Variants in CADM3 observed in about 807,000 individuals in gnomAD.
CADM3 encodes TSLC1-like 1.
In CADM3, 11 loss-of-function variants were observed where a neutral mutation model predicts 44.9. The ratio of observed to expected loss-of-function variants is 0.25; its 90% CI spans 0.15 to 0.41. The LOEUF is 0.41. CADM3 is among the 10% of genes least tolerant of loss of function. The pLI is 1.00. For synonymous variants in CADM3, 207 were observed against 205.2 expected (o/e 1.01, Z -0.08); for missense variants, 426 against 512.0 (o/e 0.83, Z 1.62).
chr1:159,183,644 G>A (rs1649315841), intron 1 of CADM3, among the ~76,000 whole-genome samples: 1 of 152,124 alleles, frequency 6.6e-6, no homozygotes. Context: ...GAGGGGACAA[G>A]AGGCCTTTCC....
At chr1:159,189,737 T>C (rs770868652) in intron 1 of CADM3, 1 of 1,485,466 alleles carries the variant, frequency 6.7e-7, no homozygotes, top group South Asian at 1.2e-5. Context: ...AGGATACATG[T>C]AGGGCTCATG....
Position 159,171,656 on chromosome 1 carries a change from G to A in CADM3, c.-110G>A, listed in dbSNP as rs1245868205. On this transcript the variant is annotated 5_prime_UTR_variant, in exon 1 of 9. Transcript: ENST00000368125. ...CCACCTCGGCCCCGGGCTCCGAAGC[G>A]GCTCGGGGGCGCCCTTTCGGTCAAC... 1.0e-5 allele frequency: 8 copies of A among 796,336 alleles called. No homozygotes were observed. Among genetic ancestry groups the A allele is most frequent in the Non-Finnish European group, 1.4e-5 (8 of 591,256 alleles). The allele number at this position is 796,336 out of a possible 1,614,324, so 49.3% of individuals were successfully genotyped here.
At chr1:159,176,868 G>T (rs775490648) in intron 1 of CADM3, among the ~76,000 whole-genome samples, 3 of 152,008 alleles carry the variant, frequency 2.0e-5, no homozygotes, top group African/African-American at 7.3e-5. Flanking sequence ...CCTTAAGGCC[G>T]TCATCAAATT....
In CADM3 at chr1:159,202,282, GCCAC is replaced by G. The variant is rs1295081865; in HGVS notation, c.*1363_*1366del. On this transcript the variant is annotated 3_prime_UTR_variant, in exon 9 of 9. Coordinates refer to ENST00000368125, the MANE Select transcript of CADM3 (RefSeq NM_001127173.3). ...GTTGTTCCATGCTGGTATTTCCTCT[GCCAC>G]CCCCAATGCCCATCGGTCTTGGAGA... 2 of 152,664 alleles carry G rather than the reference GCCAC, an allele frequency of 1.3e-5. No homozygotes were observed. Among genetic ancestry groups the G allele is most frequent in the Non-Finnish European group, 2.9e-5 (2 of 68,322 alleles). 9.5% of individuals were successfully genotyped at this position (152,664 alleles called of 1,614,324 possible).
intron 1 of CADM3, chr1:159,189,839 G>T (rs781357085): frequency 1.2e-6 from 2 of 1,605,510 alleles, no homozygotes; most frequent in Admixed American, 3.4e-5. Flanking sequence ...CAGCTCCACA[G>T]TCTGGAGCAG....
chr1:159,171,693 C>T lies in CADM3; in HGVS notation c.-73C>T. The stretch of plus-strand genomic sequence containing the variant: ...CCCTTTCGGTCAACATCGTAGTCCA[C>T]CCCCTCCCCATCCCCAGCCCCCGGG... On this transcript the variant is annotated 5_prime_UTR_variant, in exon 1 of 9. Transcript: ENST00000368125. 5.4e-6 allele frequency: 6 copies of T among 1,113,040 alleles called. No individual in the cohort carries two copies. The highest frequency in any genetic ancestry group is 6.8e-6 in the Non-Finnish European group (6 of 880,078). 68.9% of individuals were successfully genotyped at this position (1,113,040 alleles called of 1,614,324 possible).
intron 8 of CADM3, among the ~76,000 whole-genome samples, chr1:159,200,238 T>C (rs1650104221): frequency 6.6e-6 from 1 of 152,166 alleles, no homozygotes; most frequent in African/African-American, 2.4e-5. Context: ...TTCTGTCTGT[T>C]TAACCTCATT....
chr1:159,193,184 G>A (rs755044786), intron 3 of CADM3, among the ~76,000 whole-genome samples: 5 of 152,158 alleles, frequency 3.3e-5, no homozygotes, highest in Non-Finnish European at 5.9e-5. Context: ...TGTAAGTGGA[G>A]GGTCATATAT....
intron 1 of CADM3, among the ~76,000 whole-genome samples, chr1:159,183,340 A>G (rs938128800): frequency 3.3e-5 from 5 of 152,116 alleles, no homozygotes; most frequent in African/African-American, 1.2e-4. Flanking sequence ...TATGCCTCCT[A>G]GGAGAGTAAA....
chr1:159,192,954 G>A (rs887444008), intron 3 of CADM3, among the ~76,000 whole-genome samples: 2 of 152,062 alleles, frequency 1.3e-5, no homozygotes, highest in African/African-American at 4.8e-5. Flanking sequence ...CTCTCTTTGA[G>A]TCTGAATTTT....
At chr1:159,176,415 A>G (rs77182921) in intron 1 of CADM3, among the ~76,000 whole-genome samples, 9 of 152,334 alleles carry the variant, frequency 5.9e-5, no homozygotes, top group African/African-American at 2.2e-4. Context: ...TGCTTACAAA[A>G]GACAGAGAGA....
chr1:159,175,134 G>A (rs1648968971), intron 1 of CADM3, among the ~76,000 whole-genome samples: 1 of 152,206 alleles, frequency 6.6e-6, no homozygotes, highest in African/African-American at 2.4e-5. Flanking sequence ...CCACAGATCT[G>A]TTTGGCAGAT....
chr1:159,171,682 A>C lies in CADM3; in HGVS notation c.-84A>C. On this transcript the variant is annotated 5_prime_UTR_variant, in exon 1 of 9. Coordinates refer to ENST00000368125, the MANE Select transcript of CADM3 (RefSeq NM_001127173.3). ...GCTCGGGGGCGCCCTTTCGGTCAAC[A>C]TCGTAGTCCACCCCCTCCCCATCCC... 3 of 1,058,624 alleles carry C rather than the reference A, an allele frequency of 2.8e-6. No homozygotes were observed. The highest frequency in any genetic ancestry group is 3.6e-6 in the Non-Finnish European group (3 of 830,718). 65.6% of individuals were successfully genotyped at this position (1,058,624 alleles called of 1,614,324 possible). A position where few individuals can be genotyped will look rare whatever the true frequency, so the allele number is the denominator to read the frequency against.
In CADM3 at chr1:159,196,329, G is replaced by T. The variant is rs375293691; in HGVS notation, c.692-35G>T. The stretch of plus-strand genomic sequence containing the variant: ...TGAGGGAATCTCCTAAGCCGTGTGG[G>T]GAGGTATTCATTGATACCATTTCCT... On this transcript the variant is annotated intron_variant, in intron 5 of 8. Coordinates refer to ENST00000368125, the MANE Select transcript of CADM3 (RefSeq NM_001127173.3). 8 of 1,517,922 alleles carry T rather than the reference G, an allele frequency of 5.3e-6. No homozygotes were observed. In the African/African-American group the frequency reaches 1.1e-4, roughly 21 times the overall value. The allele number at this position is 1,517,922 out of a possible 1,614,324, so 94.0% of individuals were successfully genotyped here. A position where few individuals can be genotyped will look rare whatever the true frequency, so the allele number is the denominator to read the frequency against.
intron 1 of CADM3, among the ~76,000 whole-genome samples, chr1:159,182,407 C>A (rs1217659949): frequency 2.6e-5 from 4 of 152,154 alleles, no homozygotes; most frequent in African/African-American, 9.7e-5. Context: ...GTCAAATTAA[C>A]CACTGAATTA....
At chr1:159,176,092 T>G (rs1649006813) in intron 1 of CADM3, among the ~76,000 whole-genome samples, 1 of 152,226 alleles carries the variant, frequency 6.6e-6, no homozygotes, top group Non-Finnish European at 1.5e-5. Context: ...AACTGCATAC[T>G]GGCTCAACAA....
chr1:159,196,176 G>C (rs775715197), intron 5 of CADM3, 188 bp from the exon 6 acceptor site: 49 of 565,754 alleles, frequency 8.7e-5, no homozygotes, highest in Non-Finnish European at 1.4e-4. Flanking sequence ...AAGGTTGCAA[G>C]AGAAGTTGCT....
intron 1 of CADM3, among the ~76,000 whole-genome samples, chr1:159,174,218 T>C (rs1179912593): frequency 1.3e-5 from 2 of 152,242 alleles, no homozygotes; most frequent in Non-Finnish European, 2.9e-5. Flanking sequence ...ATAACCACCA[T>C]ATCTTCTGTC....
In CADM3 at chr1:159,200,959, T is replaced by G; in HGVS notation, c.*37T>G. ...CACTTCCTGCGCCCCCCAGGGGCCC[T>G]GTGGGGACTGCTGGGGCCGTCACCA... On this transcript the variant is annotated 3_prime_UTR_variant, in exon 9 of 9. Transcript: ENST00000368125. 6.7e-7 allele frequency: 1 copy of G among 1,486,192 alleles called. No individual in the cohort carries two copies. Among genetic ancestry groups the G allele is most frequent in the Non-Finnish European group, 9.1e-7 (1 of 1,093,290 alleles). The allele number at this position is 1,486,192 out of a possible 1,614,324, so 92.1% of individuals were successfully genotyped here. A position where few individuals can be genotyped will look rare whatever the true frequency, so the allele number is the denominator to read the frequency against.
Sources: gnomAD v4.1 joint callset for allele counts (sites outside exome capture counted in the v4.1 genomes callset) on GRCh38, gnomAD v4.1.1 for gene constraint, MANE v1.5 for transcripts, NCBI Gene and HGNC (gene_info 2026-07-23, HGNC 2026-07-21) for gene names.